Variants in TGFB2 observed in about 807,000 individuals in gnomAD.
TGFB2 encodes transforming growth factor beta-2 proprotein.
Under a neutral mutation model 42.7 loss-of-function variants are expected in TGFB2, and 13 were observed. The observed-to-expected ratio is 0.30, with a 90% CI of 0.20 to 0.48. The LOEUF is 0.48. Among genes scored for constraint, TGFB2 ranks in the 20% least tolerant of loss-of-function variants. The pLI, the probability that TGFB2 is intolerant of heterozygous loss-of-function variation, is 0.99. For missense variants in TGFB2, 390 were observed against 517.5 expected, an observed-to-expected ratio of 0.75 and a Z score of 2.39; for synonymous variants, 193 against 193.6, an observed-to-expected ratio of 1.00 and a Z score of 0.03.
chr1:218,392,094 G>A (rs1658332637), intron 1 of TGFB2, among the ~76,000 whole-genome samples: 1 of 152,196 alleles, frequency 6.6e-6, no homozygotes, highest in Non-Finnish European at 1.5e-5. Context: ...GCTCACGCCT[G>A]TAATCCCAGC....
intron 1 of TGFB2, among the ~76,000 whole-genome samples, chr1:218,373,124 G>A (rs1328769278): frequency 6.6e-6 from 1 of 152,148 alleles, no homozygotes; most frequent in South Asian, 2.1e-4. Flanking sequence ...GTTGTGGTGA[G>A]CTGAGATCGC....
chr1:218,363,282 CA>C, intron 1 of TGFB2: 1 of 1,427,108 alleles, frequency 7.0e-7, no homozygotes, highest in South Asian at 1.1e-5. Flanking sequence ...AGTTCTGTGC[CA>C]GGCATCTCTT....
chr1:218,423,855 G>A (rs540370899), intron 2 of TGFB2, among the ~76,000 whole-genome samples: 3 of 152,192 alleles, frequency 2.0e-5, no homozygotes, highest in Non-Finnish European at 2.9e-5. Flanking sequence ...TAATTTTCTC[G>A]ACAAACATAC....
chr1:218,404,653 T>C (rs1658846013), intron 1 of TGFB2, among the ~76,000 whole-genome samples: 1 of 152,162 alleles, frequency 6.6e-6, no homozygotes, highest in South Asian at 2.1e-4. Context: ...TGTTAAGTCA[T>C]ATGTGTGTGA....
intron 1 of TGFB2, among the ~76,000 whole-genome samples, chr1:218,347,951 T>TA (rs1656745355): frequency 2.0e-5 from 3 of 150,902 alleles, no homozygotes; most frequent in East Asian, 1.9e-4. Flanking sequence ...TTTTTTTTTT[T>TA]ACTGGCTTCT....
chr1:218,422,171 C>T lies in TGFB2; in HGVS notation c.511-11911C>T, dbSNP rs536015800. Among the ~76,000 whole-genome samples, 202 of 142,818 alleles carry T rather than the reference C, an allele frequency of 1.4e-3. 1 individual carries two copies. Among genetic ancestry groups the T allele is most frequent in the African/African-American group, 4.8e-3 (189 of 39,302 alleles). 93.7% of individuals were successfully genotyped at this position (142,818 alleles called of 152,430 possible). Reference sequence around the variant, plus strand: ...ACTGAAGAGAGAGGAGGATGCCTTCCTTCCTTCCTTCTTTCTTTCTTTCTT... The same window carrying T: ...ACTGAAGAGAGAGGAGGATGCCTTCTTTCCTTCCTTCTTTCTTTCTTTCTT... On this transcript the variant is annotated intron_variant, in intron 2 of 6. Transcript: ENST00000366930.
intron 1 of TGFB2, among the ~76,000 whole-genome samples, chr1:218,402,535 A>G (rs1449922349): frequency 6.6e-6 from 1 of 151,526 alleles, no homozygotes; most frequent in African/African-American, 2.4e-5. Context: ...AGAGGACCAG[A>G]AAAGGGGGGA....
intron 1 of TGFB2, among the ~76,000 whole-genome samples, chr1:218,385,928 A>C (rs1203017108): frequency 6.6e-6 from 1 of 152,112 alleles, no homozygotes; most frequent in African/African-American, 2.4e-5. Flanking sequence ...AAACCAGAAT[A>C]AGTTCAGAGA....
At chr1:218,353,027 C>A (rs1276040305) in intron 1 of TGFB2, among the ~76,000 whole-genome samples, 1 of 152,218 alleles carries the variant, frequency 6.6e-6, no homozygotes, top group Middle Eastern at 3.2e-3. Context: ...GGCAGCAATT[C>A]TCTGAGTCTC....
At position 218,386,904 on chromosome 1, in the gene TGFB2, A is replaced by G. The variant is rs539396398; in HGVS notation, c.347-18265A>G. On this transcript the variant is annotated intron_variant, in intron 1 of 6. Transcript: ENST00000366930. ...ATTCTTAGAGGCAAATGCTAGTATT[A>G]TCATATTTTAAAGATACAGAAATAA... is the stretch of plus-strand genomic sequence containing the variant. 3.3e-5 allele frequency among the ~76,000 whole-genome samples: 5 copies of G among 152,302 alleles called. No individual in the cohort carries two copies. In the South Asian group the frequency reaches 8.3e-4, roughly 25 times the overall value.
intron 1 of TGFB2, chr1:218,363,452 C>A (rs1276769729): frequency 6.4e-7 from 1 of 1,574,466 alleles, no homozygotes; most frequent in Admixed American, 1.7e-5. Flanking sequence ...CCTCGTTTGA[C>A]ATAGTTATAT....
intron 2 of TGFB2, among the ~76,000 whole-genome samples, chr1:218,417,734 G>A (rs1047187906): frequency 1.3e-5 from 2 of 152,228 alleles, no homozygotes; most frequent in Non-Finnish European, 1.5e-5. Context: ...TCCCTGTGCT[G>A]TGTGCAGGCT....
intron 1 of TGFB2, among the ~76,000 whole-genome samples, chr1:218,366,750 C>A (rs970985213): frequency 6.6e-6 from 1 of 152,208 alleles, no homozygotes; most frequent in Non-Finnish European, 1.5e-5. Context: ...TTTAAACAGG[C>A]ACTGCAGGTG....
chr1:218,425,168 C>T (rs1468950066), intron 2 of TGFB2, among the ~76,000 whole-genome samples: 1 of 152,094 alleles, frequency 6.6e-6, no homozygotes, highest in Non-Finnish European at 1.5e-5. Context: ...GTTAACACAC[C>T]TAAGTGCTTC....
intron 1 of TGFB2, 135 bp from the exon 2 acceptor site, chr1:218,405,034 T>C (rs1658860078): frequency 1.8e-5 from 16 of 893,502 alleles, no homozygotes; most frequent in Non-Finnish European, 2.3e-5. Context: ...ACATTGTTAA[T>C]GGTATTAAAC....
chr1:218,434,262 A>C (rs748491924), intron 3 of TGFB2, 48 bp downstream of exon 3: 2 of 1,612,196 alleles, frequency 1.2e-6, no homozygotes, highest in South Asian at 2.2e-5. Flanking sequence ...AGTATCCCTA[A>C]GTTACTTTAA....
chr1:218,386,832 A>C (rs1010369300), intron 1 of TGFB2, among the ~76,000 whole-genome samples: 1 of 152,194 alleles, frequency 6.6e-6, no homozygotes, highest in Admixed American at 6.5e-5. Flanking sequence ...ACGTTTACTG[A>C]GTACTTACTA....
intron 2 of TGFB2, among the ~76,000 whole-genome samples, chr1:218,431,506 G>A (rs1006470518): frequency 6.6e-6 from 1 of 152,086 alleles, no homozygotes; most frequent in African/African-American, 2.4e-5. Flanking sequence ...ATATATACAT[G>A]TATATGTATG....
intron 2 of TGFB2, among the ~76,000 whole-genome samples, chr1:218,411,903 C>T (rs1248601356): frequency 6.6e-6 from 1 of 150,688 alleles, no homozygotes; most frequent in Non-Finnish European, 1.5e-5. Flanking sequence ...AGAAATGACA[C>T]AGCATCACTT....
Sources: gnomAD v4.1 joint callset for allele counts (sites outside exome capture counted in the v4.1 genomes callset) on GRCh38, gnomAD v4.1.1 for gene constraint, MANE v1.5 for transcripts, NCBI Gene and HGNC (gene_info 2026-07-23, HGNC 2026-07-21) for gene names.